Variants in MTMR14 observed in about 807,000 individuals in gnomAD.
MTMR14 encodes the protein myotubularin related protein 14, also known as phosphatidylinositol-3,5-bisphosphate 3-phosphatase MTMR14.
Under a neutral mutation model 86.3 loss-of-function variants are expected in MTMR14, and 48 were observed. That is an observed-to-expected ratio of 0.56 (90% CI 0.44 to 0.71). The LOEUF is 0.71. Among genes scored for constraint, MTMR14 ranks in the 30% least tolerant of loss-of-function variants. MTMR14 has a pLI of 0.00. For synonymous variants in MTMR14, 366 were observed against 326.1 expected, an observed-to-expected ratio of 1.12 and a Z score of -1.32; for missense variants, 780 against 834.6, an observed-to-expected ratio of 0.93 and a Z score of 0.81.
intron 6 of MTMR14, among the ~76,000 whole-genome samples, chr3:9,672,237 GA>G (rs1225869996): frequency 6.6e-6 from 1 of 152,080 alleles, no homozygotes; most frequent in Admixed American, 6.6e-5. Context: ...TAGGGGCAGA[GA>G]AGGTAGAGTT....
At chr3:9,675,043 G>A (rs891194999) in intron 7 of MTMR14, among the ~76,000 whole-genome samples, 41 of 152,212 alleles carry the variant, frequency 2.7e-4, no homozygotes, top group African/African-American at 9.4e-4. Flanking sequence ...CCCAGGAGGC[G>A]GAGGTTGCAG....
At chr3:9,693,747 G>C (rs1233141806) in intron 17 of MTMR14, among the ~76,000 whole-genome samples, 2 of 152,202 alleles carry the variant, frequency 1.3e-5, no homozygotes, top group African/African-American at 4.8e-5. Context: ...AGGATCAGCT[G>C]TGCTACTACA....
At chr3:9,689,171 A>C in intron 16 of MTMR14, 89 bp downstream of exon 16, 2 of 1,573,544 alleles carry the variant, frequency 1.3e-6, no homozygotes, top group East Asian at 4.5e-5. Flanking sequence ...CCAAGAACAA[A>C]GCAGGCCCCC....
intron 2 of MTMR14, among the ~76,000 whole-genome samples, chr3:9,656,170 G>A (rs2047592598): frequency 6.6e-6 from 1 of 152,014 alleles, no homozygotes; most frequent in Non-Finnish European, 1.5e-5. Context: ...ATTCCAGCCT[G>A]GCGACAGGGT....
intron 1 of MTMR14, among the ~76,000 whole-genome samples, chr3:9,653,212 G>T (rs967726072): frequency 1.3e-5 from 2 of 152,258 alleles, no homozygotes; most frequent in African/African-American, 4.8e-5. Context: ...TGCAGCCTGG[G>T]CGACAGAGCG....
At chr3:9,687,560 A>AT (rs2076000518) in intron 13 of MTMR14, among the ~76,000 whole-genome samples, 1 of 146,528 alleles carries the variant, frequency 6.8e-6, no homozygotes, top group Non-Finnish European at 1.5e-5. Context: ...GTCTCAAATA[A>AT]AAAAAAAAAA....
rs146925501 is a variant in MTMR14, at chr3:9,702,275, G to A, written c.*302G>A. 411 of 476,662 alleles carry A rather than the reference G, an allele frequency of 8.6e-4. 2 individuals carry two copies. The highest frequency in any genetic ancestry group is 7.0e-3 in the African/African-American group (356 of 51,192). The allele number at this position is 476,662 out of a possible 1,614,324, so 29.5% of individuals were successfully genotyped here. On this transcript the variant is annotated 3_prime_UTR_variant, in exon 19 of 19. Transcript: ENST00000296003. ...TTCCCTGGGGCCTTGTGGAAGCCAT[G>A]ACTTCACAAAGACCCTACCTGTCAG...
At chr3:9,650,305 C>G (rs535747368) in intron 1 of MTMR14, 1 of 456,304 alleles carries the variant, frequency 2.2e-6, no homozygotes, top group African/African-American at 2.0e-5. Flanking sequence ...CCTCTTTTTG[C>G]TCCCTTTGGG....
At chr3:9,697,168 G>T (rs552735374) in intron 17 of MTMR14, among the ~76,000 whole-genome samples, 9 of 152,260 alleles carry the variant, frequency 5.9e-5, no homozygotes, top group African/African-American at 2.2e-4. Context: ...GCAGAGAAAG[G>T]GGGGACCTCA....
rs559478703 is a variant in MTMR14, at chr3:9,655,675, C to T, written c.308+1906C>T. Among the ~76,000 whole-genome samples the T allele has an allele frequency of 3.3e-5, 5 of 150,992 alleles. No homozygotes were observed. The South Asian group carries it at 1.1e-3, about 32-fold the overall frequency. On this transcript the variant is annotated intron_variant, in intron 2 of 18. Transcript: ENST00000296003. ...ACAGGGTTTCACCACGTTGGTCAGG[C>T]TGGTCTCGAACCCCTGACCTCATGA... is the stretch of plus-strand genomic sequence containing the variant.
chr3:9,682,960 T>C (rs551486762), intron 9 of MTMR14, among the ~76,000 whole-genome samples: 1 of 124,568 alleles, frequency 8.0e-6, no homozygotes, highest in Non-Finnish European at 1.7e-5. Context: ...GCCCCCCGAG[T>C]AGGGGGTCCA....
At chr3:9,668,868 C>T (rs2048406084) in intron 4 of MTMR14, 74 bp downstream of exon 4, 2 of 1,482,224 alleles carry the variant, frequency 1.3e-6, no homozygotes, top group African/African-American at 1.4e-5. Context: ...GGCCGGGCGC[C>T]ATGCCTCACG....
intron 17 of MTMR14, among the ~76,000 whole-genome samples, chr3:9,691,798 C>T (rs913930418): frequency 6.6e-6 from 1 of 152,180 alleles, no homozygotes; most frequent in African/African-American, 2.4e-5. Flanking sequence ...TGGGGTTGTC[C>T]TCCTGACCTC....
chr3:9,690,207 G>A (rs2076096432), intron 17 of MTMR14, 64 bp downstream of exon 17: 1 of 1,574,672 alleles, frequency 6.4e-7, no homozygotes, highest in Non-Finnish European at 8.7e-7. Context: ...AAGACTGGAG[G>A]GTCGGGGGCC....
intron 17 of MTMR14, among the ~76,000 whole-genome samples, chr3:9,695,495 T>C (rs748501440): frequency 6.6e-6 from 1 of 152,188 alleles, no homozygotes; most frequent in Non-Finnish European, 1.5e-5. Flanking sequence ...CGACAGCTGC[T>C]GCAAGTGCGG....
At chr3:9,672,529 T>C (rs1463658227) in intron 6 of MTMR14, among the ~76,000 whole-genome samples, 156 bp from the exon 7 acceptor site, 4 of 152,238 alleles carry the variant, frequency 2.6e-5, no homozygotes, top group African/African-American at 9.6e-5. Flanking sequence ...TAGTTCTTAA[T>C]TGTACAAAGT....
chr3:9,662,943 G>A (rs2048023954), intron 3 of MTMR14, among the ~76,000 whole-genome samples: 1 of 152,178 alleles, frequency 6.6e-6, no homozygotes, highest in Non-Finnish European at 1.5e-5. Context: ...TGTACGGGAT[G>A]TGCCCATTTC....
chr3:9,680,882 G>A (rs4686369), intron 9 of MTMR14, among the ~76,000 whole-genome samples: 20,032 of 152,248 alleles, frequency 0.13, 1,691 homozygotes, highest in African/African-American at 0.24. Context: ...GCCCTCTCCA[G>A]GTTCGCACGT....
At position 9,684,037 on chromosome 3, in the gene MTMR14, GC is replaced by G. The variant is rs2075857012; in HGVS notation, c.965-546del. ...AGGGAGATTTGCCACAAAGTCGCAT[GC>G]CAGCCCCTGGAGCCAGGCACTGGTT... is the stretch of plus-strand genomic sequence containing the variant. On this transcript the variant is annotated intron_variant, in intron 10 of 18. Coordinates refer to ENST00000296003, the MANE Select transcript of MTMR14 (RefSeq NM_001077525.3). Among the ~76,000 whole-genome samples, 13 of 152,270 alleles carry G rather than the reference GC, an allele frequency of 8.5e-5. No individual in the cohort carries two copies. In the South Asian group the frequency reaches 2.3e-3, roughly 27 times the overall value.
Sources: gnomAD v4.1 joint callset for allele counts (sites outside exome capture counted in the v4.1 genomes callset) on GRCh38, gnomAD v4.1.1 for gene constraint, MANE v1.5 for transcripts, NCBI Gene and HGNC (gene_info 2026-07-23, HGNC 2026-07-21) for gene names.